The following FSTL4 variants were observed in gnomAD, a reference collection of about 807,000 sequenced individuals.
The protein encoded by FSTL4 is follistatin like 4.
A neutral mutation model predicts 78.2 loss-of-function variants in FSTL4; 28 were observed. The ratio of observed to expected loss-of-function variants is 0.36; its 90% CI spans 0.27 to 0.49. FSTL4 has a LOEUF of 0.49. Ranked by LOEUF, FSTL4 falls within the 20% of genes least tolerant of loss-of-function variation. FSTL4 has a pLI of 0.98. For missense variants in FSTL4, 922 were observed against 1,084.9 expected, an observed-to-expected ratio of 0.85 and a Z score of 2.11; for synonymous variants, 422 against 440.5, an observed-to-expected ratio of 0.96 and a Z score of 0.53.
intron 3 of FSTL4, among the ~76,000 whole-genome samples, chr5:133,517,884 G>A (rs947580448): frequency 2.0e-5 from 3 of 152,192 alleles, no homozygotes; most frequent in African/African-American, 4.8e-5. Context: ...CGGGAGCTAA[G>A]TCTTTTTTCT....
rs543617042 is a variant in FSTL4, at chr5:133,217,485, T to C, written c.1459-107A>G. 8.6e-6 allele frequency: 9 copies of C among 1,048,582 alleles called. No individual in the cohort carries two copies. In the East Asian group the frequency reaches 1.3e-4, roughly 15 times the overall value. 65.0% of individuals were successfully genotyped at this position (1,048,582 alleles called of 1,614,324 possible). A position where few individuals can be genotyped will look rare whatever the true frequency, so the allele number is the denominator to read the frequency against. ...CCTCTGTGCCTTTCTTCCTCTCTCT[T>C]AGAATCCTTTGGATCCATAGAACAG... is the stretch of plus-strand genomic sequence containing the variant. On this transcript the variant is annotated intron_variant, in intron 12 of 15. Coordinates refer to ENST00000265342, the MANE Select transcript of FSTL4 (RefSeq NM_015082.2).
intron 3 of FSTL4, among the ~76,000 whole-genome samples, chr5:133,498,074 A>G (rs896144959): frequency 6.6e-6 from 1 of 151,734 alleles, no homozygotes; most frequent in Non-Finnish European, 1.5e-5. Flanking sequence ...ATCCCATAAT[A>G]TTCTTTAGCA....
the FSTL4 span, among the ~76,000 whole-genome samples, chr5:133,819,683 G>T: frequency 2.0e-5 from 3 of 152,206 alleles, no homozygotes; most frequent in Admixed American, 6.5e-5. Flanking sequence ...TTCCAGATGA[G>T]ACCTCCTGTT....
chr5:133,311,275 G>GC (rs1304422195), intron 6 of FSTL4, among the ~76,000 whole-genome samples: 1 of 152,140 alleles, frequency 6.6e-6, no homozygotes, highest in Non-Finnish European at 1.5e-5. Context: ...AGCAGGATAA[G>GC]CCTACCAGTC....
intron 3 of FSTL4, among the ~76,000 whole-genome samples, chr5:133,462,256 C>A (rs31339): frequency 0.053 from 7,998 of 152,338 alleles, 223 homozygotes; most frequent in South Asian, 0.079. Context: ...CAGGTGCTCA[C>A]ACACAGGCTT....
chr5:133,831,075 G>C, the FSTL4 span, among the ~76,000 whole-genome samples: 4 of 152,126 alleles, frequency 2.6e-5, no homozygotes, highest in African/African-American at 9.7e-5. Context: ...TTTCTGCCCT[G>C]GTGTTGTAAA....
In FSTL4 at chr5:133,610,539, A is replaced by G. The variant is rs571705259; in HGVS notation, c.-11+1786T>C. On this transcript the variant is annotated intron_variant, in intron 1 of 15. Coordinates refer to ENST00000265342, the MANE Select transcript of FSTL4 (RefSeq NM_015082.2). ...TGCAGTGCCTCCTTCTCACAACGCT[A>G]AGATGGGAAGCAGACACGTGCCCTG... is the stretch of plus-strand genomic sequence containing the variant. Among the ~76,000 whole-genome samples the G allele has an allele frequency of 2.8e-4, 42 of 152,338 alleles. 1 individual carries two copies. In the South Asian group the frequency reaches 8.3e-3, roughly 30 times the overall value.
Position 133,558,592 on chromosome 5 carries a change from A to T in FSTL4, c.160+8594T>A, listed in dbSNP as rs1023776272. On this transcript the variant is annotated intron_variant, in intron 3 of 15. Coordinates refer to ENST00000265342, the MANE Select transcript of FSTL4 (RefSeq NM_015082.2). ...ACACACGCTCCCTGACTTCCTGGAG[A>T]GTTCAAAGCAACATTCAACATTTTG... Among the ~76,000 whole-genome samples the T allele has an allele frequency of 6.2e-4, 94 of 152,096 alleles. 1 individual carries two copies. The Middle Eastern group carries it at 0.01, about 17-fold the overall frequency.
Position 133,225,544 on chromosome 5 carries a change from C to T in FSTL4, c.1177+114G>A. 1 of 1,036,008 alleles carries T rather than the reference C, an allele frequency of 9.7e-7. No individual in the cohort carries two copies. The highest frequency in any genetic ancestry group is 1.6e-5 in the African/African-American group (1 of 62,810). 64.2% of individuals were successfully genotyped at this position (1,036,008 alleles called of 1,614,324 possible). ...CAGGGAAATTTGGGAGCCATCTGTT[C>T]ACTCCTAACCTGTCTGACTTATAAA... is the stretch of plus-strand genomic sequence containing the variant. On this transcript the variant is annotated intron_variant, in intron 9 of 15. Transcript: ENST00000265342. This position sits in a 1 kb window ranked among gnomAD's most constrained non-coding sequence, Gnocchi z 4.6.
At chr5:133,639,748 G>A in the FSTL4 span, among the ~76,000 whole-genome samples, 1 of 152,118 alleles carries the variant, frequency 6.6e-6, no homozygotes, top group Non-Finnish European at 1.5e-5. Flanking sequence ...TGTTCAGGAG[G>A]TCCCATAACA....
the FSTL4 span, among the ~76,000 whole-genome samples, chr5:133,678,278 G>T: frequency 6.6e-6 from 1 of 152,134 alleles, no homozygotes; most frequent in South Asian, 2.1e-4. Context: ...TAGGGAGACA[G>T]AAAGAGAGAC....
intron 3 of FSTL4, among the ~76,000 whole-genome samples, chr5:133,530,399 C>T (rs1420475601): frequency 6.6e-6 from 1 of 152,218 alleles, no homozygotes; most frequent in East Asian, 1.9e-4. Flanking sequence ...ACCTTCGCTG[C>T]CTGCTCAGGG....
the FSTL4 span, among the ~76,000 whole-genome samples, chr5:133,661,346 G>A: frequency 6.6e-6 from 1 of 152,262 alleles, no homozygotes; most frequent in East Asian, 1.9e-4. Context: ...CCACCGAAGT[G>A]CTCTGAACTG....
intron 3 of FSTL4, among the ~76,000 whole-genome samples, chr5:133,458,998 G>A (rs531704433): frequency 7.2e-5 from 11 of 152,090 alleles, no homozygotes; most frequent in Non-Finnish European, 1.5e-4. Flanking sequence ...AGTCAGGCTG[G>A]TGCTGATGGA....
At chr5:133,596,303 G>A (rs781518135) in intron 2 of FSTL4, among the ~76,000 whole-genome samples, 2 of 152,214 alleles carry the variant, frequency 1.3e-5, no homozygotes, top group African/African-American at 2.4e-5. Flanking sequence ...TGCTGGAGGC[G>A]TCTGTCACCT....
intron 4 of FSTL4, among the ~76,000 whole-genome samples, chr5:133,322,305 C>CCACACCCACACACCCACA (rs1279117173): frequency 1.3e-4 from 9 of 66,852 alleles, no homozygotes; most frequent in Middle Eastern, 0.014. Flanking sequence ...CCACACACAC[C>CCACACCCACACACCCACA]CACACCCACA....
the FSTL4 span, among the ~76,000 whole-genome samples, chr5:133,832,915 T>A: frequency 6.6e-6 from 1 of 152,240 alleles, no homozygotes; most frequent in African/African-American, 2.4e-5. Context: ...ACTTTACTAA[T>A]GGACACCAAA....
intron 4 of FSTL4, among the ~76,000 whole-genome samples, chr5:133,388,763 T>A (rs1755767650): frequency 6.6e-6 from 1 of 152,158 alleles, no homozygotes; most frequent in Non-Finnish European, 1.5e-5. Flanking sequence ...TTTGAATTGC[T>A]CTGAGGTCTT....
chr5:133,668,297 G>A, the FSTL4 span, among the ~76,000 whole-genome samples: 1 of 152,162 alleles, frequency 6.6e-6, no homozygotes, highest in Admixed American at 6.5e-5. Context: ...GGGTCAGGGG[G>A]TATGGGTGAT....
Sources: allele counts gnomAD v4.1 joint callset (sites outside exome capture counted in the v4.1 genomes callset), GRCh38; gene constraint gnomAD v4.1.1; non-coding constraint Gnocchi (gnomAD v3.1); transcripts MANE v1.5; gene names NCBI Gene and HGNC (gene_info 2026-07-23, HGNC 2026-07-21).